The following NCOA2 variants were observed in gnomAD, a reference collection of about 807,000 sequenced individuals.
NCOA2 encodes the protein nuclear receptor coactivator 2.
A neutral mutation model predicts 145.1 loss-of-function variants in NCOA2; 21 were observed. The observed-to-expected ratio is 0.14, with a 90% CI of 0.10 to 0.21. NCOA2 has a LOEUF of 0.21. NCOA2 is among the 10% of genes least tolerant of loss of function. The probability of loss-of-function intolerance (pLI) is 1.00; values close to 1 mark genes in which losing one functional copy is unlikely to be tolerated. For missense variants in NCOA2, 1,472 were observed against 1,837.6 expected (o/e 0.80, Z 3.64); for synonymous variants, 619 against 637.5 (o/e 0.97, Z 0.44).
the NCOA2 span, among the ~76,000 whole-genome samples, chr8:70,440,419 C>T: frequency 3.9e-5 from 6 of 152,094 alleles, no homozygotes; most frequent in Non-Finnish European, 7.4e-5. Flanking sequence ...ACAAAAAATA[C>T]AAAAATTAGC....
chr8:70,207,282 T>A (rs1420034390), intron 4 of NCOA2, among the ~76,000 whole-genome samples: 4 of 152,158 alleles, frequency 2.6e-5, no homozygotes, highest in African/African-American at 4.8e-5. Flanking sequence ...TCTATCAGAG[T>A]GTGATAGCCG....
intron 22 of NCOA2, among the ~76,000 whole-genome samples, chr8:70,116,845 C>T (rs1030804953): frequency 2.6e-5 from 4 of 152,284 alleles, no homozygotes; most frequent in South Asian, 2.1e-4. Flanking sequence ...GGAAAGTTGA[C>T]GAGGTTATCA....
At chr8:70,443,328 C>A in the NCOA2 span, among the ~76,000 whole-genome samples, 5 of 152,080 alleles carry the variant, frequency 3.3e-5, no homozygotes, top group African/African-American at 1.2e-4. Flanking sequence ...ATGGTCTGAT[C>A]ATGACATTGC....
At chr8:70,367,322 G>T (rs981526080) in intron 1 of NCOA2, among the ~76,000 whole-genome samples, 1 of 152,178 alleles carries the variant, frequency 6.6e-6, no homozygotes, top group Admixed American at 6.5e-5. Flanking sequence ...CAAAATAACA[G>T]CATTTGTGAG....
intron 1 of NCOA2, chr8:70,402,387 G>C (rs749732580): frequency 1.3e-5 from 2 of 152,462 alleles, no homozygotes. Context: ...GTCCAGCTCC[G>C]GGCCAGCGGA....
At position 70,165,720 on chromosome 8, in the gene NCOA2, T is replaced by C. The variant is rs141132432; in HGVS notation, c.730+846A>G. Among the ~76,000 whole-genome samples, 21 of 152,316 alleles carry C rather than the reference T, an allele frequency of 1.4e-4. No homozygotes were observed. The East Asian group carries it at 3.9e-3, about 28-fold the overall frequency. On this transcript the variant is annotated intron_variant, in intron 7 of 22. Coordinates refer to ENST00000452400, the MANE Select transcript of NCOA2 (RefSeq NM_006540.4). ...GTCTCTATCCTCTCTTTAGTACCATTGTATTTTATCAATTCTGGGCCCAGC... is the reference window on the plus strand; with the variant it reads ...GTCTCTATCCTCTCTTTAGTACCATCGTATTTTATCAATTCTGGGCCCAGC...
chr8:70,319,561 A>C (rs1282023202), intron 1 of NCOA2, among the ~76,000 whole-genome samples: 3 of 151,960 alleles, frequency 2.0e-5, no homozygotes, highest in African/African-American at 7.3e-5. Flanking sequence ...TAAATAAATA[A>C]ATAAATAAAA....
rs769665359 is a variant in NCOA2 at position 70,131,923 on chromosome 8, G to A, written c.3238C>T (p.Leu1080=). ...AESPSDEGAL[L]DQLYLALRNF... ...CGCAAGGCCAGATACAGCTGGTCCA[G>A]GAGAGCTCCCTCATCACTCGGAGAC... is the stretch of plus-strand genomic sequence containing the variant. The change falls in exon 16 of 23, where the codon CTG becomes TTG. Residue 1080 remains leucine, a synonymous_variant. Transcript: ENST00000452400. The A allele has an allele frequency of 6.2e-7, 1 of 1,609,834 alleles. No homozygotes were observed. Among genetic ancestry groups the A allele is most frequent in the South Asian group, 1.1e-5 (1 of 89,766 alleles).
the NCOA2 span, among the ~76,000 whole-genome samples, chr8:70,429,245 G>A: frequency 6.6e-6 from 1 of 152,224 alleles, no homozygotes; most frequent in Non-Finnish European, 1.5e-5. Flanking sequence ...GCTGGGGCAT[G>A]AGGGTGAGCA....
the NCOA2 span, among the ~76,000 whole-genome samples, chr8:70,412,664 A>C: frequency 6.7e-6 from 1 of 149,460 alleles, no homozygotes; most frequent in South Asian, 2.1e-4. Context: ...AAAAAAAAAA[A>C]AAAAAAACTA....
At chr8:70,200,553 T>A (rs906915694) in intron 4 of NCOA2, among the ~76,000 whole-genome samples, 3 of 152,176 alleles carry the variant, frequency 2.0e-5, no homozygotes, top group Admixed American at 2.0e-4. Flanking sequence ...AAAATCATTG[T>A]GTAATTCTGA....
intron 2 of NCOA2, among the ~76,000 whole-genome samples, chr8:70,284,687 G>T (rs1826117540): frequency 6.6e-6 from 1 of 152,094 alleles, no homozygotes; most frequent in South Asian, 2.1e-4. Flanking sequence ...TGTGTGTGTT[G>T]TGTGTGTGGG....
At chr8:70,406,383 A>G (rs1241105511), upstream of NCOA2, among the ~76,000 whole-genome samples, 1 of 152,228 alleles carries the variant, frequency 6.6e-6, no homozygotes, top group Admixed American at 6.5e-5. Flanking sequence ...CACTATGATA[A>G]TGTAAAATGA....
At position 70,138,335 on chromosome 8, in the gene NCOA2, A is replaced by C; in HGVS notation, c.3029-3T>G. ...GTTCATCTCTAATTCAGATGGCCCT[A>C]GAAAGGGAGAAGAAAAAAATCTTAC... is the stretch of plus-strand genomic sequence containing the variant. On this transcript the variant is annotated splice_region_variant and splice_polypyrimidine_tract_variant and intron_variant, in intron 14 of 22. Transcript: ENST00000452400. 4.4e-6 allele frequency: 7 copies of C among 1,594,606 alleles called. No individual in the cohort carries two copies. The highest frequency in any genetic ancestry group is 6.0e-6 in the Non-Finnish European group (7 of 1,173,054).
Position 70,306,320 on chromosome 8 carries a change from T to C in NCOA2, c.-76-9520A>G, listed in dbSNP as rs1461764584. On this transcript the variant is annotated intron_variant, in intron 1 of 22. Coordinates refer to ENST00000452400, the MANE Select transcript of NCOA2 (RefSeq NM_006540.4). The stretch of plus-strand genomic sequence containing the variant: ...GAGTTTCTATGAACCCAGGAACAAA[T>C]ATATCATTAAAACTTGGGCCTCACT... 2.0e-5 allele frequency among the ~76,000 whole-genome samples: 3 copies of C among 152,082 alleles called. No individual in the cohort carries two copies. In the East Asian group the frequency reaches 5.8e-4, roughly 29 times the overall value.
At chr8:70,270,020 A>G (rs1824917333) in intron 2 of NCOA2, among the ~76,000 whole-genome samples, 1 of 152,196 alleles carries the variant, frequency 6.6e-6, no homozygotes, top group African/African-American at 2.4e-5. Context: ...GTTAAAAATT[A>G]GCCAGGCTCA....
At chr8:70,290,223 G>A (rs1415967807) in intron 2 of NCOA2, among the ~76,000 whole-genome samples, 1 of 124,302 alleles carries the variant, frequency 8.0e-6, no homozygotes, top group Non-Finnish European at 1.6e-5. Flanking sequence ...GTCTCGCTCT[G>A]TTGCCCAGGC....
At chr8:70,286,224 G>A (rs1383792196) in intron 2 of NCOA2, among the ~76,000 whole-genome samples, 1 of 152,060 alleles carries the variant, frequency 6.6e-6, no homozygotes, top group Non-Finnish European at 1.5e-5. Flanking sequence ...ATCAGCCTGG[G>A]CAACATAACG....
At chr8:70,306,496 A>T (rs1425865492) in intron 1 of NCOA2, among the ~76,000 whole-genome samples, 1 of 152,232 alleles carries the variant, frequency 6.6e-6, no homozygotes, top group Non-Finnish European at 1.5e-5. Context: ...AACTGGATAG[A>T]TCTTGAGATG....
Sources: allele counts gnomAD v4.1 joint callset (sites outside exome capture counted in the v4.1 genomes callset), GRCh38; gene constraint gnomAD v4.1.1; transcripts MANE v1.5; gene names NCBI Gene and HGNC (gene_info 2026-07-23, HGNC 2026-07-21).